KMT5B: variants seen among roughly 807,000 people sequenced by gnomAD.
KMT5B encodes the protein histone-lysine N-methyltransferase KMT5B.
A neutral mutation model predicts 83.2 loss-of-function variants in KMT5B; 10 were observed. That is an observed-to-expected ratio of 0.12 (90% CI 0.07 to 0.20). The LOEUF (loss-of-function observed/expected upper bound fraction) is 0.20, where lower values mean the gene tolerates loss of function less well. KMT5B is among the 10% of genes least tolerant of loss of function. The pLI is 1.00. For missense variants in KMT5B, 753 were observed against 1,067.2 expected (o/e 0.71, Z 4.10); for synonymous variants, 349 against 388.8 (o/e 0.90, Z 1.20).
chr11:68,197,523 G>C (rs1197678062), intron 1 of KMT5B, among the ~76,000 whole-genome samples: 2 of 152,118 alleles, frequency 1.3e-5, no homozygotes, highest in Non-Finnish European at 2.9e-5. Flanking sequence ...CTGAGAATTA[G>C]GAAAATTCAC....
At chr11:68,184,376 A>C (rs1425739778) in intron 3 of KMT5B, among the ~76,000 whole-genome samples, 1 of 152,204 alleles carries the variant, frequency 6.6e-6, no homozygotes, top group Non-Finnish European at 1.5e-5. Flanking sequence ...CATCTAAAAA[A>C]GAAAAGAAAA....
chr11:68,178,717 A>C (rs1224513525), intron 4 of KMT5B, among the ~76,000 whole-genome samples: 1 of 152,224 alleles, frequency 6.6e-6, no homozygotes, highest in African/African-American at 2.4e-5. Context: ...TCCAAATCAA[A>C]TCCCATTGTA....
chr11:68,185,529 C>T (rs541238391), intron 3 of KMT5B, among the ~76,000 whole-genome samples: 1 of 152,214 alleles, frequency 6.6e-6, no homozygotes, highest in Admixed American at 6.5e-5. Flanking sequence ...TAAAATAGAA[C>T]ATGAGGATGC....
chr11:68,204,072 C>T (rs1374597540), intron 1 of KMT5B, among the ~76,000 whole-genome samples: 3 of 152,154 alleles, frequency 2.0e-5, no homozygotes, highest in Non-Finnish European at 4.4e-5. Flanking sequence ...TCACTCAGGC[C>T]ACCAAGAGAA....
At chr11:68,212,133 C>G (rs924134640) in intron 1 of KMT5B, among the ~76,000 whole-genome samples, 2 of 151,696 alleles carry the variant, frequency 1.3e-5, no homozygotes, top group Non-Finnish European at 2.9e-5. Context: ...ATATTAAAGA[C>G]TAAAGGAAAA....
chr11:68,187,398 T>G (rs1857540342), intron 2 of KMT5B, among the ~76,000 whole-genome samples: 1 of 152,238 alleles, frequency 6.6e-6, no homozygotes, highest in Admixed American at 6.5e-5. Flanking sequence ...TTCTTTTAAT[T>G]CACTTCAAAA....
intron 10 of KMT5B, chr11:68,165,882 G>A (rs747882531): frequency 6.2e-7 from 1 of 1,612,822 alleles, no homozygotes; most frequent in African/African-American, 1.3e-5. Flanking sequence ...GCAGCAGGTA[G>A]ATTCAGGAAT....
chr11:68,190,308 G>A (rs1471625691), intron 1 of KMT5B, among the ~76,000 whole-genome samples, 156 bp from the exon 2 acceptor site: 3 of 152,138 alleles, frequency 2.0e-5, no homozygotes, highest in South Asian at 2.1e-4. Context: ...CATAAACAAC[G>A]GTGGTTCCAT....
At chr11:68,199,457 G>A (rs1859142290) in intron 1 of KMT5B, among the ~76,000 whole-genome samples, 1 of 152,172 alleles carries the variant, frequency 6.6e-6, no homozygotes, top group African/African-American at 2.4e-5. Context: ...AGGCCCAGAG[G>A]CTGGCGTGGC....
chr11:68,174,143 TG>T (rs1856114923), intron 5 of KMT5B: 1 of 598,602 alleles, frequency 1.7e-6, no homozygotes, highest in Non-Finnish European at 3.1e-6. Flanking sequence ...GCCCAAGAGA[TG>T]GAAGCTGCAG....
intron 1 of KMT5B, among the ~76,000 whole-genome samples, chr11:68,198,896 A>AT (rs1859066560): frequency 6.6e-6 from 1 of 152,028 alleles, no homozygotes; most frequent in Non-Finnish European, 1.5e-5. Flanking sequence ...CACCCGGCTG[A>AT]TTTTTTGTAT....
At chr11:68,178,623 T>G (rs1856607864) in intron 4 of KMT5B, among the ~76,000 whole-genome samples, 1 of 152,044 alleles carries the variant, frequency 6.6e-6, no homozygotes, top group Admixed American at 6.5e-5. Flanking sequence ...GGGAAGAAAA[T>G]GGTTAAGGGT....
intron 9 of KMT5B, among the ~76,000 whole-genome samples, chr11:68,167,650 G>T (rs1855439684): frequency 6.6e-6 from 1 of 152,002 alleles, no homozygotes; most frequent in South Asian, 2.1e-4. Flanking sequence ...TAGAGATGGG[G>T]TCTCACTATG....
intron 5 of KMT5B, 153 bp from the exon 6 acceptor site, chr11:68,174,066 A>G (rs1298931969): frequency 1.5e-6 from 1 of 680,376 alleles, no homozygotes; most frequent in Non-Finnish European, 2.7e-6. Context: ...GAAAAACATT[A>G]GCCAAGCATG....
rs1433628612 is a variant in KMT5B at position 68,205,616 on chromosome 11, C to T, written c.-77+7522G>A. On this transcript the variant is annotated intron_variant, in intron 1 of 10. Coordinates refer to ENST00000304363, the MANE Select transcript of KMT5B (RefSeq NM_017635.5). ...ACTGGTAAGTTTATGATCAGACATT[C>T]GCAATTCTTTTTTTTTTTTTTTCAG... is the stretch of plus-strand genomic sequence containing the variant. Among the ~76,000 whole-genome samples, 7 of 150,804 alleles carry T rather than the reference C, an allele frequency of 4.6e-5. No homozygotes were observed. The South Asian group carries it at 1.0e-3, about 22-fold the overall frequency.
chr11:68,162,301 A>C (rs1313261921), intron 10 of KMT5B, among the ~76,000 whole-genome samples: 1 of 152,192 alleles, frequency 6.6e-6, no homozygotes, highest in African/African-American at 2.4e-5. Context: ...CTAAGAATGA[A>C]GTCTAGAATT....
intron 10 of KMT5B, among the ~76,000 whole-genome samples, chr11:68,163,043 T>A (rs1451800005): frequency 2.0e-5 from 3 of 151,768 alleles, no homozygotes; most frequent in Admixed American, 6.6e-5. Context: ...TCAATGATTT[T>A]AAAGTCCATC....
At chr11:68,200,262 G>GAAGC (rs1472587576) in intron 1 of KMT5B, among the ~76,000 whole-genome samples, 16 of 152,356 alleles carry the variant, frequency 1.1e-4, no homozygotes, top group Admixed American at 5.2e-4. Context: ...AAGAGGAGGA[G>GAAGC]AAGCAGCACA....
chr11:68,207,186 C>T (rs1860231236), intron 1 of KMT5B, among the ~76,000 whole-genome samples: 1 of 151,458 alleles, frequency 6.6e-6, no homozygotes, highest in Admixed American at 6.6e-5. Context: ...TGCACTCCAG[C>T]CTCGGCGACA....
Sources: allele counts gnomAD v4.1 joint callset (sites outside exome capture counted in the v4.1 genomes callset), GRCh38; gene constraint gnomAD v4.1.1; transcripts MANE v1.5; gene names NCBI Gene and HGNC (gene_info 2026-07-23, HGNC 2026-07-21).